DOCK3: variants seen among roughly 807,000 people sequenced by gnomAD.
DOCK3 encodes the protein dedicator of cytokinesis protein 3.
In DOCK3, 60 loss-of-function variants were observed where a neutral mutation model predicts 265.6. That is an observed-to-expected ratio of 0.23 (90% CI 0.18 to 0.28). The LOEUF is 0.28. Ranked by LOEUF, DOCK3 falls within the 10% of genes least tolerant of loss-of-function variation. The pLI, the probability that DOCK3 is intolerant of heterozygous loss-of-function variation, is 1.00. For synonymous variants in DOCK3, 881 were observed against 938.0 expected (o/e 0.94, Z 1.11); for missense variants, 1,981 against 2,594.3 (o/e 0.76, Z 5.14).
At chr3:51,010,613 G>A (rs539773206) in intron 5 of DOCK3, among the ~76,000 whole-genome samples, 44 of 152,024 alleles carry the variant, frequency 2.9e-4, no homozygotes, top group African/African-American at 5.1e-4. Flanking sequence ...CATTTAGCCC[G>A]TTTACATTTA....
chr3:51,252,784 A>T (rs1474593546), intron 22 of DOCK3, among the ~76,000 whole-genome samples: 7 of 152,166 alleles, frequency 4.6e-5, no homozygotes, highest in African/African-American at 2.4e-5. Context: ...GGGTTTTCCA[A>T]ATATACAATC....
chr3:50,898,884 G>C (rs1328078695), intron 4 of DOCK3, among the ~76,000 whole-genome samples: 1 of 152,120 alleles, frequency 6.6e-6, no homozygotes, highest in Non-Finnish European at 1.5e-5. Flanking sequence ...GCTGAGGAGT[G>C]TTTTACTTCC....
intron 3 of DOCK3, among the ~76,000 whole-genome samples, chr3:50,871,504 G>A (rs2047430640): frequency 6.6e-6 from 1 of 151,892 alleles, no homozygotes; most frequent in African/African-American, 2.4e-5. Context: ...GTAGTCCTCT[G>A]TGGGTTAAAT....
intron 5 of DOCK3, among the ~76,000 whole-genome samples, chr3:51,020,555 C>G (rs532284691): frequency 3.9e-5 from 6 of 151,916 alleles, no homozygotes; most frequent in African/African-American, 1.5e-4. Flanking sequence ...TTTGCTGTAT[C>G]CTGGATGTTA....
rs565333893 is a variant in DOCK3, at chr3:50,846,606, T to C, written c.162+4891T>C. Among the ~76,000 whole-genome samples the C allele has an allele frequency of 5.9e-5, 9 of 152,320 alleles. No homozygotes were observed. In the East Asian group the frequency reaches 1.5e-3, roughly 26 times the overall value. The stretch of plus-strand genomic sequence containing the variant: ...TGGCAGCTCTTCTTTGTACATCTAA[T>C]AGAGTTTGGCTGTGAATCTGTCTGG... On this transcript the variant is annotated intron_variant, in intron 3 of 52. Transcript: ENST00000266037.
chr3:50,719,822 G>A, intron 1 of DOCK3: 2 of 769,020 alleles, frequency 2.6e-6, no homozygotes, highest in Admixed American at 3.5e-5. Flanking sequence ...TTCTGTGAAA[G>A]CAGGAACACT....
intron 5 of DOCK3, among the ~76,000 whole-genome samples, chr3:51,024,606 G>T (rs2079737754): frequency 1.3e-5 from 2 of 152,166 alleles, no homozygotes; most frequent in African/African-American, 4.8e-5. Context: ...CAGTGTTCTG[G>T]CTGTTCAGAT....
intron 4 of DOCK3, among the ~76,000 whole-genome samples, chr3:50,922,360 A>G (rs1176478022): frequency 6.6e-6 from 1 of 152,234 alleles, no homozygotes; most frequent in Non-Finnish European, 1.5e-5. Flanking sequence ...TGAGCCAGGC[A>G]TGGGATATAA....
rs567907533 is a variant in DOCK3, at chr3:51,096,459, C to T, written c.746+6075C>T. On this transcript the variant is annotated intron_variant, in intron 9 of 52. Transcript: ENST00000266037. ...GCTATTGATACTTGTGTATGCTTCA[C>T]GAAGTGAAGCTGTGCTGTGTTTTTC... 1.1e-3 allele frequency among the ~76,000 whole-genome samples: 166 copies of T among 152,140 alleles called. 1 individual carries two copies. The highest frequency in any genetic ancestry group is 3.7e-3 in the African/African-American group (154 of 41,494).
chr3:51,045,776 G>A (rs1432443921), intron 5 of DOCK3, among the ~76,000 whole-genome samples: 4 of 152,116 alleles, frequency 2.6e-5, no homozygotes, highest in Admixed American at 2.0e-4. Context: ...TAATGGAATA[G>A]CATTGAAATT....
chr3:50,954,511 C>T (rs2076677071), intron 5 of DOCK3, among the ~76,000 whole-genome samples: 1 of 152,082 alleles, frequency 6.6e-6, no homozygotes, highest in Admixed American at 6.6e-5. Context: ...TAAAGCCTTT[C>T]TGATGGGACT....
At chr3:50,831,190 TTTATTTATTTATTTATTTATTTA>T (rs1559697335) in intron 2 of DOCK3, among the ~76,000 whole-genome samples, 9 of 127,458 alleles carry the variant, frequency 7.1e-5, no homozygotes, top group African/African-American at 1.4e-4. Context: ...ACCTGTTTTA[TTTATTTATTTATTTATTTATTTA>T]TTTATTTATT....
intron 32 of DOCK3, among the ~76,000 whole-genome samples, chr3:51,325,482 A>G (rs1417045484): frequency 6.6e-6 from 1 of 152,228 alleles, no homozygotes; most frequent in Non-Finnish European, 1.5e-5. Flanking sequence ...AATTACTTCA[A>G]CCATTGTGGA....
intron 5 of DOCK3, among the ~76,000 whole-genome samples, chr3:50,976,720 T>G (rs1471208230): frequency 2.0e-5 from 3 of 151,646 alleles, no homozygotes; most frequent in Non-Finnish European, 4.4e-5. Flanking sequence ...GTCTTGTTGA[T>G]CTGTCTAATG....
chr3:50,911,191 T>C (rs1022841744), intron 4 of DOCK3, among the ~76,000 whole-genome samples: 9 of 152,120 alleles, frequency 5.9e-5, no homozygotes, highest in Non-Finnish European at 1.2e-4. Context: ...GTTTTTGCTT[T>C]TGTTATTTTT....
intron 3 of DOCK3, among the ~76,000 whole-genome samples, chr3:50,885,952 A>G (rs182253351): frequency 6.6e-6 from 1 of 152,162 alleles, no homozygotes; most frequent in Admixed American, 6.6e-5. Context: ...TTCTGTCTTA[A>G]TAGGATGACC....
chr3:51,193,543 C>T (rs1050891127), intron 12 of DOCK3, among the ~76,000 whole-genome samples: 10 of 152,112 alleles, frequency 6.6e-5, no homozygotes, highest in African/African-American at 2.4e-4. Context: ...CCATCTGGTC[C>T]TGGGCTTTTC....
chr3:50,803,728 C>T (rs1307322364), intron 2 of DOCK3, among the ~76,000 whole-genome samples: 11 of 151,150 alleles, frequency 7.3e-5, no homozygotes, highest in South Asian at 2.1e-4. Flanking sequence ...CCAGATGGGG[C>T]GGCTGGCCGG....
intron 22 of DOCK3, among the ~76,000 whole-genome samples, chr3:51,249,045 C>T (rs1200756861): frequency 5.4e-5 from 8 of 148,584 alleles, no homozygotes; most frequent in African/African-American, 1.5e-4. Flanking sequence ...GCAGCCACCC[C>T]GTCTGGGAAG....
Sources: gnomAD v4.1 joint callset for allele counts (sites outside exome capture counted in the v4.1 genomes callset) on GRCh38, gnomAD v4.1.1 for gene constraint, MANE v1.5 for transcripts, NCBI Gene and HGNC (gene_info 2026-07-23, HGNC 2026-07-21) for gene names.